RANBP2: variants seen among roughly 807,000 people sequenced by gnomAD.
RANBP2 encodes the protein E3 SUMO-protein ligase RanBP2.
A neutral mutation model predicts 303.6 loss-of-function variants in RANBP2; 57 were observed. The observed-to-expected ratio is 0.19, with a 90% CI of 0.15 to 0.23. The LOEUF is 0.23. Ranked by LOEUF, RANBP2 falls within the 10% of genes least tolerant of loss-of-function variation. RANBP2 has a pLI of 1.00. For missense variants in RANBP2, 3,138 were observed against 3,780.8 expected (o/e 0.83, Z 4.46); for synonymous variants, 1,167 against 1,301.5 (o/e 0.90, Z 2.23).
chr2:108,878,909 A>G, the RANBP2 span, among the ~76,000 whole-genome samples: 5 of 152,366 alleles, frequency 3.3e-5, no homozygotes, highest in African/African-American at 1.2e-4. Context: ...AATAGCATAA[A>G]TATTCTCAAA....
the RANBP2 span, among the ~76,000 whole-genome samples, chr2:109,209,800 G>T: frequency 6.6e-6 from 1 of 152,122 alleles, no homozygotes; most frequent in Admixed American, 6.5e-5. Flanking sequence ...TGACAAATTG[G>T]ACACTCCAGT....
the RANBP2 span, among the ~76,000 whole-genome samples, chr2:109,209,899 C>T: frequency 6.6e-6 from 1 of 152,124 alleles, no homozygotes; most frequent in Non-Finnish European, 1.5e-5. Context: ...AGTACGTCCC[C>T]CCTGTTTTGT....
chr2:108,902,578 AAAAC>A, the RANBP2 span, among the ~76,000 whole-genome samples: 1 of 152,188 alleles, frequency 6.6e-6, no homozygotes, highest in African/African-American at 2.4e-5. Context: ...ACAAAGACAA[AAAAC>A]AAACCACAAA....
the RANBP2 span, among the ~76,000 whole-genome samples, chr2:109,442,498 TTGAC>T: frequency 2.0e-5 from 3 of 152,134 alleles, no homozygotes; most frequent in Admixed American, 2.0e-4. Context: ...TAAAATATAA[TTGAC>T]TGTTTAAACA....
chr2:109,178,832 A>G, the RANBP2 span, among the ~76,000 whole-genome samples: 2 of 152,312 alleles, frequency 1.3e-5, no homozygotes, highest in South Asian at 4.1e-4. Flanking sequence ...TTACAGTGAA[A>G]TGAATATGGA....
intron 23 of RANBP2, among the ~76,000 whole-genome samples, chr2:108,774,116 G>A (rs1357520763): frequency 6.6e-6 from 1 of 152,148 alleles, no homozygotes; most frequent in Non-Finnish European, 1.5e-5. Flanking sequence ...TATTAAATCT[G>A]TGAATGACAT....
At chr2:109,127,031 C>T in the RANBP2 span, among the ~76,000 whole-genome samples, 65 of 152,142 alleles carry the variant, frequency 4.3e-4, no homozygotes, top group Admixed American at 6.5e-4. Flanking sequence ...CCATGCACTG[C>T]GAGGTGTGTG....
At chr2:109,567,766 G>A in the RANBP2 span, 1 of 1,508,496 alleles carries the variant, frequency 6.6e-7, no homozygotes, top group South Asian at 1.4e-5. Context: ...ACAAATTACA[G>A]TTTTATTTTC....
chr2:109,026,297 C>CTTTTT, the RANBP2 span, among the ~76,000 whole-genome samples: 1 of 93,426 alleles, frequency 1.1e-5, no homozygotes, highest in Admixed American at 1.4e-4. Context: ...CCATGCCTAG[C>CTTTTT]TTTTTTTTTT....
the RANBP2 span, among the ~76,000 whole-genome samples, chr2:109,626,864 G>A: frequency 6.6e-6 from 1 of 152,236 alleles, no homozygotes; most frequent in Non-Finnish European, 1.5e-5. Context: ...CCTGGGCAGG[G>A]GAGCCCTTGT....
chr2:108,968,334 CT>C, the RANBP2 span, among the ~76,000 whole-genome samples: 8 of 152,086 alleles, frequency 5.3e-5, no homozygotes, highest in Non-Finnish European at 7.4e-5. Flanking sequence ...GTCTTCAAGC[CT>C]TTTTTTGTTT....
chr2:109,636,163 A>C, the RANBP2 span, among the ~76,000 whole-genome samples: 5 of 152,206 alleles, frequency 3.3e-5, no homozygotes, highest in Non-Finnish European at 7.3e-5. Flanking sequence ...TCCAGCCTCC[A>C]AAACTGTGAG....
chr2:109,645,636 G>T, the RANBP2 span, among the ~76,000 whole-genome samples: 1 of 152,258 alleles, frequency 6.6e-6, no homozygotes, highest in Admixed American at 6.5e-5. Flanking sequence ...CCCCTGCCTG[G>T]ACTCAAGAGT....
At chr2:109,335,089 C>T in the RANBP2 span, among the ~76,000 whole-genome samples, 2 of 152,202 alleles carry the variant, frequency 1.3e-5, no homozygotes, top group Non-Finnish European at 2.9e-5. Context: ...GTGGTCATAC[C>T]ACTCCCTGCT....
intron 25 of RANBP2, 79 bp from the exon 26 acceptor site, chr2:108,781,190 A>C: frequency 7.4e-7 from 1 of 1,345,062 alleles, no homozygotes; most frequent in Non-Finnish European, 1.1e-6. Flanking sequence ...CAGGAATTAG[A>C]GGGATTGATA....
chr2:109,175,515 A>C, the RANBP2 span, among the ~76,000 whole-genome samples: 1 of 152,358 alleles, frequency 6.6e-6, no homozygotes, highest in South Asian at 2.1e-4. Context: ...AACTGAGAGC[A>C]AACAAGGATG....
the RANBP2 span, among the ~76,000 whole-genome samples, chr2:109,103,464 G>A: frequency 1.3e-5 from 2 of 152,206 alleles, no homozygotes; most frequent in Admixed American, 6.5e-5. Context: ...GGTCCTGAAA[G>A]GTGGGACAAC....
chr2:109,078,098 A>ATATATATATGGCG, the RANBP2 span, among the ~76,000 whole-genome samples: 55 of 60,044 alleles, frequency 9.2e-4, 3 homozygotes, highest in African/African-American at 4.2e-3. Context: ...ATATATATAT[A>ATATATATATGGCG]TATATATATA....
chr2:108,903,549 C>T, the RANBP2 span, among the ~76,000 whole-genome samples: 1 of 152,080 alleles, frequency 6.6e-6, no homozygotes, highest in African/African-American at 2.4e-5. Flanking sequence ...GAGGGACAGA[C>T]ATGTAGATAA....
Sources: gnomAD v4.1 joint callset for allele counts (sites outside exome capture counted in the v4.1 genomes callset) on GRCh38, gnomAD v4.1.1 for gene constraint, MANE v1.5 for transcripts, NCBI Gene and HGNC (gene_info 2026-07-23, HGNC 2026-07-21) for gene names.